The following ANK2 variants were observed in gnomAD, a reference collection of about 807,000 sequenced individuals.
ANK2 encodes ankyrin 2, also known as ankyrin-2.
In ANK2, 83 loss-of-function variants were observed where a neutral mutation model predicts 360.5. The ratio of observed to expected loss-of-function variants is 0.23; its 90% CI spans 0.19 to 0.28. The LOEUF is 0.28. ANK2 is among the 10% of genes least tolerant of loss of function. The probability of loss-of-function intolerance (pLI) is 1.00; values close to 1 mark genes in which losing one functional copy is unlikely to be tolerated. For missense variants in ANK2, 4,201 were observed against 4,795.7 expected (o/e 0.88, Z 3.66); for synonymous variants, 1,740 against 1,759.5 (o/e 0.99, Z 0.28).
chr4:113,232,061 G>T, intron 4 of ANK2, 100 bp from the exon 5 acceptor site: 3 of 825,374 alleles, frequency 3.6e-6, no homozygotes, highest in Non-Finnish European at 6.2e-6. Flanking sequence ...TATTCAGTAT[G>T]AAAGTATTTT....
chr4:113,317,417 G>C, intron 24 of ANK2: 1 of 431,664 alleles, frequency 2.3e-6, no homozygotes. Context: ...ATAAACTACA[G>C]TTGCTGGTTT....
intron 24 of ANK2, among the ~76,000 whole-genome samples, chr4:113,312,985 A>G (rs898238449): frequency 6.6e-6 from 1 of 152,178 alleles, no homozygotes; most frequent in South Asian, 2.1e-4. Context: ...AAAAAATTTG[A>G]GAGTTTTTTG....
intron 1 of ANK2, among the ~76,000 whole-genome samples, chr4:112,883,328 C>G (rs756976070): frequency 6.6e-6 from 1 of 151,940 alleles, no homozygotes; most frequent in Non-Finnish European, 1.5e-5. Flanking sequence ...CATGAGCCAC[C>G]GCACCCGGCC....
At chr4:112,729,747 C>CA in the ANK2 span, among the ~76,000 whole-genome samples, 4,019 of 70,050 alleles carry the variant, frequency 0.057, 119 homozygotes, top group African/African-American at 0.14. Flanking sequence ...GACTCTGTCT[C>CA]AAAAAAAAAA....
At chr4:113,020,866 A>C (rs1014114032) in intron 2 of ANK2, among the ~76,000 whole-genome samples, 1 of 152,028 alleles carries the variant, frequency 6.6e-6, no homozygotes, top group African/African-American at 2.4e-5. Context: ...AAAGAGCTTA[A>C]TGAATGTATT....
At chr4:112,999,837 T>A (rs115206660) in intron 2 of ANK2, among the ~76,000 whole-genome samples, 96 of 152,274 alleles carry the variant, frequency 6.3e-4, no homozygotes, top group Middle Eastern at 3.4e-3. Context: ...ATATATAGAA[T>A]GTCTTAGAGA....
chr4:113,282,969 A>T, intron 18 of ANK2, 97 bp downstream of exon 18: 1 of 1,341,908 alleles, frequency 7.5e-7, no homozygotes, highest in Non-Finnish European at 1.1e-6. Context: ...GCAATGTATT[A>T]AAAAGAAACA....
At chr4:113,225,396 T>A (rs1022157987) in intron 4 of ANK2, among the ~76,000 whole-genome samples, 1 of 152,120 alleles carries the variant, frequency 6.6e-6, no homozygotes. Context: ...TTAGAACAAA[T>A]CTGGTGCTAT....
At chr4:113,064,217 C>G (rs2074707143) in intron 1 of ANK2, among the ~76,000 whole-genome samples, 1 of 152,010 alleles carries the variant, frequency 6.6e-6, no homozygotes, top group South Asian at 2.1e-4. Flanking sequence ...GAATTTGAAG[C>G]CCTTTAGAAT....
intron 18 of ANK2, among the ~76,000 whole-genome samples, chr4:113,283,791 T>C (rs912464591): frequency 1.3e-5 from 2 of 152,236 alleles, no homozygotes; most frequent in Admixed American, 1.3e-4. Context: ...TTATATGAGC[T>C]TAGTGAAAAT....
chr4:113,277,852 C>T lies in ANK2; in HGVS notation c.1699C>T (p.Leu567=), dbSNP rs1000271158. 1 of 1,613,636 alleles carries T rather than the reference C, an allele frequency of 6.2e-7. No homozygotes were observed. Among genetic ancestry groups the T allele is most frequent in the Non-Finnish European group, 8.5e-7 (1 of 1,179,570 alleles). The change falls in exon 16 of 46, where the codon CTG becomes TTG. Residue 567 remains leucine, a synonymous_variant. Transcript: ENST00000357077. ...SLATKKGFTP[L]HVAAKYGSLD... is the part of the protein sequence containing the mutation. The stretch of plus-strand genomic sequence containing the variant: ...ACATTTTCAGAAGGGTTTTACTCCC[C>T]TGCATGTAGCAGCCAAGTATGGAAG...
At chr4:112,727,662 A>C in the ANK2 span, among the ~76,000 whole-genome samples, 1 of 152,188 alleles carries the variant, frequency 6.6e-6, no homozygotes, top group African/African-American at 2.4e-5. Context: ...AGACATTACA[A>C]TTGATACCAT....
At chr4:112,728,486 C>T in the ANK2 span, among the ~76,000 whole-genome samples, 1 of 151,982 alleles carries the variant, frequency 6.6e-6, no homozygotes, top group Non-Finnish European at 1.5e-5. Context: ...CACAGTGGCT[C>T]ACCCTTGTAA....
At chr4:113,031,583 T>G (rs2060419940) in intron 2 of ANK2, 1 of 151,782 alleles carries the variant, frequency 6.6e-6, no homozygotes, top group African/African-American at 2.4e-5. Context: ...TTTCTATTTT[T>G]TTGGTATTCT....
chr4:113,060,388 A>G (rs911273718), intron 1 of ANK2, among the ~76,000 whole-genome samples: 2 of 152,074 alleles, frequency 1.3e-5, no homozygotes, highest in Non-Finnish European at 2.9e-5. Context: ...TATCTTCACA[A>G]TAACGTGATG....
intron 42 of ANK2, among the ~76,000 whole-genome samples, chr4:113,368,058 C>A (rs1272212565): frequency 6.6e-6 from 1 of 152,158 alleles, no homozygotes; most frequent in Non-Finnish European, 1.5e-5. Context: ...CTACAAGAAC[C>A]AACTTCCAGA....
chr4:113,372,479 G>T, intron 43 of ANK2: 1 of 1,134,946 alleles, frequency 8.8e-7, no homozygotes, highest in Non-Finnish European at 1.3e-6. Context: ...GAAACCAGTA[G>T]TGAAGTCATT....
chr4:112,897,671 C>T (rs1348694449), intron 1 of ANK2, among the ~76,000 whole-genome samples: 2 of 152,106 alleles, frequency 1.3e-5, no homozygotes, highest in Non-Finnish European at 2.9e-5. Flanking sequence ...CTCAGCTCTC[C>T]ATGCTGTGCA....
intron 2 of ANK2, among the ~76,000 whole-genome samples, chr4:112,957,578 C>T (rs866033614): frequency 6.6e-6 from 1 of 151,438 alleles, no homozygotes; most frequent in Admixed American, 6.6e-5. Context: ...TCCTCACTTC[C>T]CAGTAGGGGC....
Sources: gnomAD v4.1 joint callset for allele counts (sites outside exome capture counted in the v4.1 genomes callset) on GRCh38, gnomAD v4.1.1 for gene constraint, MANE v1.5 for transcripts, NCBI Gene and HGNC (gene_info 2026-07-23, HGNC 2026-07-21) for gene names.